Variants in SNTG1 observed in about 807,000 individuals in gnomAD.
SNTG1 encodes the protein syntrophin gamma 1.
Under a neutral mutation model 74.7 loss-of-function variants are expected in SNTG1, and 39 were observed. The observed-to-expected ratio is 0.52, with a 90% CI of 0.40 to 0.68. The LOEUF is 0.68. Ranked by LOEUF, SNTG1 falls within the 30% of genes least tolerant of loss-of-function variation. SNTG1 has a pLI of 0.00. For missense variants in SNTG1, 685 were observed against 609.5 expected, an observed-to-expected ratio of 1.12 and a Z score of -1.30; for synonymous variants, 254 against 217.1, an observed-to-expected ratio of 1.17 and a Z score of -1.49.
chr8:50,584,439 C>T (rs563941496), intron 12 of SNTG1, among the ~76,000 whole-genome samples: 1 of 151,370 alleles, frequency 6.6e-6, no homozygotes, highest in South Asian at 2.1e-4. Context: ...TGTTTCCTGA[C>T]TTTTTGATGA....
At chr8:49,915,493 G>A (rs1414213156) in intron 1 of SNTG1, among the ~76,000 whole-genome samples, 1 of 152,114 alleles carries the variant, frequency 6.6e-6, no homozygotes, top group East Asian at 1.9e-4. Flanking sequence ...ATAAATATAA[G>A]TGATATTCAA....
chr8:50,185,351 C>T (rs193048886), intron 2 of SNTG1, among the ~76,000 whole-genome samples: 136 of 152,294 alleles, frequency 8.9e-4, no homozygotes, highest in African/African-American at 3.2e-3. Flanking sequence ...CTTCCGCAGC[C>T]ATATGGAACT....
intron 2 of SNTG1, among the ~76,000 whole-genome samples, chr8:50,310,871 G>T (rs1563879627): frequency 6.6e-6 from 1 of 152,124 alleles, no homozygotes; most frequent in Non-Finnish European, 1.5e-5. Context: ...GAATGTATGT[G>T]TATAATTGAA....
At chr8:50,074,908 G>C (rs203936) in intron 1 of SNTG1, among the ~76,000 whole-genome samples, 1 of 152,036 alleles carries the variant, frequency 6.6e-6, no homozygotes, top group Admixed American at 6.5e-5. Flanking sequence ...CACTCGCGGC[G>C]CACGCGAGTT....
chr8:50,530,323 A>G (rs2094256717), intron 10 of SNTG1, 64 bp downstream of exon 10: 1 of 1,445,962 alleles, frequency 6.9e-7, no homozygotes, highest in South Asian at 1.2e-5. Flanking sequence ...AAAAACTGCT[A>G]GTGAATCTGA....
At chr8:50,321,914 A>T (rs2090546625) in intron 2 of SNTG1, among the ~76,000 whole-genome samples, 1 of 152,102 alleles carries the variant, frequency 6.6e-6, no homozygotes, top group Non-Finnish European at 1.5e-5. Flanking sequence ...AATGTGTTGT[A>T]GTTATTATTT....
chr8:50,476,553 G>C (rs1278909055), intron 8 of SNTG1, among the ~76,000 whole-genome samples: 1 of 152,138 alleles, frequency 6.6e-6, no homozygotes, highest in Non-Finnish European at 1.5e-5. Flanking sequence ...AGATTAGAAT[G>C]GTCTGTGTGG....
At chr8:50,209,861 T>G (rs964573022) in intron 2 of SNTG1, among the ~76,000 whole-genome samples, 1 of 152,154 alleles carries the variant, frequency 6.6e-6, no homozygotes, top group Non-Finnish European at 1.5e-5. Flanking sequence ...GGAACAAAGC[T>G]GGATGGAGAA....
chr8:50,182,580 C>T (rs569870943), intron 2 of SNTG1, among the ~76,000 whole-genome samples: 1 of 152,052 alleles, frequency 6.6e-6, no homozygotes, highest in East Asian at 1.9e-4. Context: ...GCCCTATTTG[C>T]AACAGGAAGC....
chr8:50,606,634 A>ATG (rs10640889), intron 13 of SNTG1, among the ~76,000 whole-genome samples: 125,698 of 151,536 alleles, frequency 0.83, 52,667 homozygotes, highest in African/African-American at 0.94. Flanking sequence ...ACTGATAAAC[A>ATG]CATACCTTGT....
chr8:50,436,499 C>T (rs1293322630), intron 4 of SNTG1, among the ~76,000 whole-genome samples: 2 of 151,866 alleles, frequency 1.3e-5, no homozygotes, highest in African/African-American at 2.4e-5. Flanking sequence ...TACTCTATGC[C>T]AGGGTCTTTT....
intron 2 of SNTG1, among the ~76,000 whole-genome samples, chr8:50,195,865 G>A (rs1230227688): frequency 2.0e-5 from 3 of 152,058 alleles, no homozygotes; most frequent in Non-Finnish European, 2.9e-5. Flanking sequence ...TCTTGCAGTC[G>A]GCCTGGAGCT....
At chr8:50,602,198 C>T (rs985055824) in intron 13 of SNTG1, among the ~76,000 whole-genome samples, 12 of 151,824 alleles carry the variant, frequency 7.9e-5, no homozygotes, top group Non-Finnish European at 1.2e-4. Flanking sequence ...ATTCTTATTT[C>T]CTTTCATCTA....
chr8:50,507,879 C>T (rs1330399335), intron 9 of SNTG1, among the ~76,000 whole-genome samples: 1 of 147,650 alleles, frequency 6.8e-6, no homozygotes, highest in Non-Finnish European at 1.5e-5. Flanking sequence ...GTTCCCCTTC[C>T]TGTGTCCATG....
chr8:50,624,243 C>G (rs2094942207), intron 13 of SNTG1, among the ~76,000 whole-genome samples: 1 of 151,878 alleles, frequency 6.6e-6, no homozygotes, highest in South Asian at 2.1e-4. Context: ...ACATTTAATT[C>G]TAATGCCTCT....
intron 2 of SNTG1, among the ~76,000 whole-genome samples, chr8:50,238,223 A>T (rs1472905350): frequency 1.3e-5 from 2 of 152,126 alleles, no homozygotes; most frequent in African/African-American, 4.8e-5. Flanking sequence ...GAGGGATCAC[A>T]CTACTTGACT....
chr8:50,756,671 C>T (rs1423280920), intron 18 of SNTG1, among the ~76,000 whole-genome samples: 2 of 151,664 alleles, frequency 1.3e-5, no homozygotes, highest in Admixed American at 6.6e-5. Context: ...ATGACTGTAG[C>T]TTTAGAGTAT....
At chr8:50,601,332 A>G (rs1024916462) in intron 13 of SNTG1, among the ~76,000 whole-genome samples, 1 of 151,710 alleles carries the variant, frequency 6.6e-6, no homozygotes, top group Non-Finnish European at 1.5e-5. Flanking sequence ...TTCCATTACC[A>G]TTTGTTTCAA....
chr8:50,081,180 T>C (rs908074708), intron 1 of SNTG1, among the ~76,000 whole-genome samples: 1 of 152,152 alleles, frequency 6.6e-6, no homozygotes, highest in Non-Finnish European at 1.5e-5. Flanking sequence ...ACAGTTTTTT[T>C]CCAAAAATAT....
Sources: gnomAD v4.1 joint callset for allele counts (sites outside exome capture counted in the v4.1 genomes callset) on GRCh38, gnomAD v4.1.1 for gene constraint, MANE v1.5 for transcripts, NCBI Gene and HGNC (gene_info 2026-07-23, HGNC 2026-07-21) for gene names.